Variants in C1orf21 observed in about 807,000 individuals in gnomAD.
The protein encoded by C1orf21 is uncharacterized protein C1orf21.
In C1orf21, 3 loss-of-function variants were observed where a neutral mutation model predicts 18.7. That is an observed-to-expected ratio of 0.16 (90% confidence interval 0.07 to 0.42). C1orf21 has a LOEUF of 0.42. Among genes scored for constraint, C1orf21 ranks in the 10% least tolerant of loss-of-function variants. The probability of loss-of-function intolerance (pLI) is 0.99; values close to 1 mark genes in which losing one functional copy is unlikely to be tolerated. For synonymous variants in C1orf21, 41 were observed against 46.4 expected (o/e 0.88, Z 0.47); for missense variants, 104 against 143.6 (o/e 0.72, Z 1.41).
chr1:184,558,387 C>T (rs1179126781), intron 3 of C1orf21, among the ~76,000 whole-genome samples: 1 of 152,154 alleles, frequency 6.6e-6, no homozygotes, highest in African/African-American at 2.4e-5. Flanking sequence ...GGTGAAAAAT[C>T]GTGCTGTTTT....
chr1:184,583,191 T>C (rs1485931207), intron 3 of C1orf21, among the ~76,000 whole-genome samples: 2 of 152,118 alleles, frequency 1.3e-5, no homozygotes, highest in African/African-American at 4.8e-5. Context: ...CTTTGGGAGA[T>C]ATCAAAGGGA....
At chr1:184,581,555 T>C (rs1295594534) in intron 3 of C1orf21, among the ~76,000 whole-genome samples, 1 of 152,206 alleles carries the variant, frequency 6.6e-6, no homozygotes, top group Non-Finnish European at 1.5e-5. Context: ...TGATTTTCTG[T>C]GTGTGTATAT....
intron 1 of C1orf21, among the ~76,000 whole-genome samples, chr1:184,468,011 T>TGTGA (rs4011656): frequency 1.5e-5 from 2 of 137,534 alleles, no homozygotes; most frequent in African/African-American, 2.6e-5. Context: ...TGTGTGTGTG[T>TGTGA]GAGAGAGAGA....
At chr1:184,518,765 G>A (rs973371976) in intron 3 of C1orf21, among the ~76,000 whole-genome samples, 1 of 152,108 alleles carries the variant, frequency 6.6e-6, no homozygotes, top group Admixed American at 6.6e-5. Flanking sequence ...CACTGAAAGT[G>A]TGTAAGGATT....
intron 5 of C1orf21, among the ~76,000 whole-genome samples, chr1:184,616,262 T>C (rs543475102): frequency 5.9e-5 from 9 of 152,346 alleles, no homozygotes; most frequent in African/African-American, 2.2e-4. Context: ...TGAAGCTGAA[T>C]TGAATTTGAA....
intron 1 of C1orf21, among the ~76,000 whole-genome samples, chr1:184,468,046 G>A (rs1347682023): frequency 1.3e-5 from 2 of 152,062 alleles, no homozygotes; most frequent in African/African-American, 2.4e-5. Flanking sequence ...GACAAAGAGA[G>A]ATTGAGAGAG....
chr1:184,588,564 T>C (rs1444175079), intron 3 of C1orf21, among the ~76,000 whole-genome samples: 4 of 152,222 alleles, frequency 2.6e-5, no homozygotes, highest in South Asian at 2.1e-4. Flanking sequence ...GCTTCACCGC[T>C]GTATGCCTCA....
At chr1:184,433,135 G>A (rs1226838532) in intron 1 of C1orf21, among the ~76,000 whole-genome samples, 1 of 152,210 alleles carries the variant, frequency 6.6e-6, no homozygotes, top group Admixed American at 6.5e-5. Flanking sequence ...GGCCTCAGTG[G>A]TGTAGCAGGT....
intron 3 of C1orf21, 92 bp from the exon 4 acceptor site, chr1:184,590,647 C>T (rs747903910): frequency 5.4e-4 from 696 of 1,298,194 alleles, no homozygotes; most frequent in Non-Finnish European, 7.1e-4. Flanking sequence ...GGGCCCCAAA[C>T]AGATTGAACG....
intron 3 of C1orf21, among the ~76,000 whole-genome samples, chr1:184,551,444 A>C (rs1477778896): frequency 6.6e-6 from 1 of 152,196 alleles, no homozygotes; most frequent in Non-Finnish European, 1.5e-5. Flanking sequence ...CTGTAAAGTG[A>C]TCTTGGATTA....
At chr1:184,594,153 G>T (rs1199593764) in intron 4 of C1orf21, among the ~76,000 whole-genome samples, 2 of 152,170 alleles carry the variant, frequency 1.3e-5, no homozygotes, top group African/African-American at 4.8e-5. Flanking sequence ...ATAAAAGTGA[G>T]CTATGCATGA....
intron 3 of C1orf21, among the ~76,000 whole-genome samples, chr1:184,581,968 T>C (rs1055526657): frequency 1.3e-5 from 2 of 152,250 alleles, no homozygotes; most frequent in African/African-American, 4.8e-5. Context: ...ATAACTCTAA[T>C]AATCTCTGTG....
chr1:184,536,425 G>T (rs1411915120), intron 3 of C1orf21, among the ~76,000 whole-genome samples: 4 of 152,126 alleles, frequency 2.6e-5, no homozygotes, highest in Non-Finnish European at 5.9e-5. Context: ...CCAAGGGGAA[G>T]ACACACCCCC....
chr1:184,408,066 A>G (rs1656277449), intron 1 of C1orf21, among the ~76,000 whole-genome samples: 1 of 152,172 alleles, frequency 6.6e-6, no homozygotes, highest in Non-Finnish European at 1.5e-5. Context: ...TTCACTTTTT[A>G]TTAACCTGGC....
intron 1 of C1orf21, among the ~76,000 whole-genome samples, chr1:184,464,970 C>T (rs1017299178): frequency 1.3e-5 from 2 of 152,066 alleles, no homozygotes; most frequent in African/African-American, 2.4e-5. Flanking sequence ...GGGATCTTGC[C>T]GTGTTGCCCA....
chr1:184,413,594 T>C (rs1656395442), intron 1 of C1orf21, among the ~76,000 whole-genome samples: 1 of 152,222 alleles, frequency 6.6e-6, no homozygotes, highest in Non-Finnish European at 1.5e-5. Flanking sequence ...CAGAAAACTA[T>C]GTTTCTGAAA....
At chr1:184,520,836 G>A (rs1408322668) in intron 3 of C1orf21, among the ~76,000 whole-genome samples, 1 of 152,118 alleles carries the variant, frequency 6.6e-6, no homozygotes, top group Non-Finnish European at 1.5e-5. Context: ...ATAAAATCAG[G>A]CATAAACCCC....
intron 3 of C1orf21, among the ~76,000 whole-genome samples, chr1:184,562,142 G>A (rs976003967): frequency 1.3e-5 from 2 of 152,066 alleles, no homozygotes; most frequent in African/African-American, 4.8e-5. Context: ...ACTAGTACAT[G>A]GAGTAACTCA....
intron 5 of C1orf21, among the ~76,000 whole-genome samples, chr1:184,607,007 G>A (rs1659655485): frequency 6.6e-6 from 1 of 152,198 alleles, no homozygotes; most frequent in South Asian, 2.1e-4. Context: ...GAAGTATTAT[G>A]TTATTTCTGG....
Sources: allele counts gnomAD v4.1 joint callset (sites outside exome capture counted in the v4.1 genomes callset), GRCh38; gene constraint gnomAD v4.1.1; transcripts MANE v1.5; gene names NCBI Gene and HGNC (gene_info 2026-07-23, HGNC 2026-07-21).